Variants in SLC35D4 observed in about 807,000 individuals in gnomAD.
The protein encoded by SLC35D4 is solute carrier family 35 member D4.
chr18:23,405,283 G>A, the SLC35D4 span, among the ~76,000 whole-genome samples: 1 of 152,164 alleles, frequency 6.6e-6, no homozygotes, highest in Non-Finnish European at 1.5e-5. Context: ...CGCCTCCCAG[G>A]TTCAAGTGAT....
the SLC35D4 span, among the ~76,000 whole-genome samples, chr18:23,345,867 T>A: frequency 6.0e-4 from 92 of 152,326 alleles, no homozygotes; most frequent in Non-Finnish European, 1.2e-3. Context: ...AATGTATAAA[T>A]GTGATACTTC....
the SLC35D4 span, among the ~76,000 whole-genome samples, chr18:23,337,472 C>T: frequency 6.8e-6 from 1 of 146,864 alleles, no homozygotes; most frequent in African/African-American, 2.5e-5. Context: ...AAGACTCCGT[C>T]TCAAAAAAAA....
At chr18:23,241,320 CAA>C in the SLC35D4 span, among the ~76,000 whole-genome samples, 1 of 151,846 alleles carries the variant, frequency 6.6e-6, no homozygotes, top group Non-Finnish European at 1.5e-5. Flanking sequence ...CACTTGAGGT[CAA>C]GAGTTTAAGA....
chr18:23,383,296 C>A, the SLC35D4 span, among the ~76,000 whole-genome samples: 2 of 151,620 alleles, frequency 1.3e-5, no homozygotes, highest in African/African-American at 2.4e-5. Context: ...AAGAAACAGC[C>A]CAGGGAAACC....
At chr18:23,330,550 A>G in the SLC35D4 span, among the ~76,000 whole-genome samples, 1 of 152,278 alleles carries the variant, frequency 6.6e-6, no homozygotes, top group African/African-American at 2.4e-5. Context: ...TGACCAGGAA[A>G]CCACGCCATT....
chr18:23,350,421 G>A, the SLC35D4 span, among the ~76,000 whole-genome samples: 1 of 152,138 alleles, frequency 6.6e-6, no homozygotes, highest in African/African-American at 2.4e-5. Flanking sequence ...CAAACCCCAG[G>A]CTGTTTTCAC....
At chr18:23,352,055 T>C in the SLC35D4 span, 11 of 586,252 alleles carry the variant, frequency 1.9e-5, no homozygotes, top group Non-Finnish European at 2.9e-5. Flanking sequence ...AATCGTTACC[T>C]GAATGAAGGA....
chr18:23,262,402 G>A, the SLC35D4 span, among the ~76,000 whole-genome samples: 2 of 152,196 alleles, frequency 1.3e-5, no homozygotes, highest in Non-Finnish European at 1.5e-5. Flanking sequence ...GGCAAGTCAG[G>A]GTTCCCAACA....
At chr18:23,288,491 T>C in the SLC35D4 span, among the ~76,000 whole-genome samples, 2 of 152,188 alleles carry the variant, frequency 1.3e-5, no homozygotes, top group South Asian at 4.1e-4. Flanking sequence ...TTTGCCATTC[T>C]ACTACTCCTC....
the SLC35D4 span, among the ~76,000 whole-genome samples, chr18:23,247,446 C>T: frequency 6.6e-6 from 1 of 152,238 alleles, no homozygotes; most frequent in Admixed American, 6.5e-5. Flanking sequence ...TGCTGGGCCC[C>T]TTCCAAGCCA....
chr18:23,318,140 G>A, the SLC35D4 span, among the ~76,000 whole-genome samples: 1 of 152,338 alleles, frequency 6.6e-6, no homozygotes, highest in African/African-American at 2.4e-5. Flanking sequence ...ACTAGTGGGT[G>A]TGAAGGGATA....
the SLC35D4 span, chr18:23,253,212 G>A: frequency 8.3e-6 from 5 of 605,496 alleles, no homozygotes; most frequent in Non-Finnish European, 1.5e-5. Flanking sequence ...GCCGGGCATG[G>A]TGGCTCACAC....
the SLC35D4 span, among the ~76,000 whole-genome samples, chr18:23,256,816 C>T: frequency 2.6e-5 from 4 of 152,192 alleles, no homozygotes; most frequent in Admixed American, 6.5e-5. Flanking sequence ...AAACCTGAAT[C>T]ACTTAGTTGC....
the SLC35D4 span, among the ~76,000 whole-genome samples, chr18:23,341,437 A>G: frequency 1.3e-5 from 2 of 152,186 alleles, no homozygotes; most frequent in Non-Finnish European, 2.9e-5. Flanking sequence ...CAGCCCCCAA[A>G]TGGGTCCTTT....
At chr18:23,288,461 C>G in the SLC35D4 span, among the ~76,000 whole-genome samples, 1 of 152,152 alleles carries the variant, frequency 6.6e-6, no homozygotes, top group Non-Finnish European at 1.5e-5. Context: ...AGGGATTTGC[C>G]CCTGCCCAGG....
chr18:23,310,164 T>C, the SLC35D4 span: 1 of 970,558 alleles, frequency 1.0e-6, no homozygotes, highest in South Asian at 4.8e-5. Context: ...ATCCTCCAGA[T>C]AAAAACTTAT....
At chr18:23,388,085 G>A in the SLC35D4 span, among the ~76,000 whole-genome samples, 2 of 152,126 alleles carry the variant, frequency 1.3e-5, no homozygotes, top group African/African-American at 4.8e-5. Flanking sequence ...AAGACCTTAT[G>A]TAAATGTTTT....
the SLC35D4 span, among the ~76,000 whole-genome samples, chr18:23,316,999 T>C: frequency 1.3e-5 from 2 of 152,114 alleles, no homozygotes; most frequent in African/African-American, 2.4e-5. Flanking sequence ...AAGCATACAG[T>C]TTAAACAAAG....
chr18:23,364,442 T>C, the SLC35D4 span, among the ~76,000 whole-genome samples: 1 of 152,208 alleles, frequency 6.6e-6, no homozygotes, highest in Admixed American at 6.5e-5. Flanking sequence ...GCACAACCAA[T>C]ATAACTTGTA....
Sources: gnomAD v4.1 joint callset for allele counts (sites outside exome capture counted in the v4.1 genomes callset) on GRCh38, gnomAD v4.1.1 for gene constraint, MANE v1.5 for transcripts, NCBI Gene and HGNC (gene_info 2026-07-23, HGNC 2026-07-21) for gene names.